ARAP3: variants seen among roughly 807,000 people sequenced by gnomAD.
The protein encoded by ARAP3 is arf-GAP with Rho-GAP domain, ANK repeat and PH domain-containing protein 3.
In ARAP3, 82 loss-of-function variants were observed where a neutral mutation model predicts 169.2. The ratio of observed to expected loss-of-function variants is 0.48; its 90% CI spans 0.41 to 0.58. The LOEUF is 0.58. ARAP3 is among the 20% of genes least tolerant of loss of function. ARAP3 has a pLI of 0.00. For synonymous variants in ARAP3, 791 were observed against 800.3 expected, an observed-to-expected ratio of 0.99 and a Z score of 0.20; for missense variants, 1,764 against 2,018.0, an observed-to-expected ratio of 0.87 and a Z score of 2.41.
chr5:141,679,738 C>G, intron 3 of ARAP3, 23 bp downstream of exon 3: 3 of 1,614,140 alleles, frequency 1.9e-6, no homozygotes, highest in Non-Finnish European at 2.5e-6. Flanking sequence ...TCCCTCTCCC[C>G]CAACCCGTGA....
rs768461512 is a variant in ARAP3, at chr5:141,656,311, A to G, written c.3790-35T>C. 4 of 1,612,010 alleles carry G rather than the reference A, an allele frequency of 2.5e-6. No individual in the cohort carries two copies. In the African/African-American group the frequency reaches 4.0e-5, roughly 16 times the overall value. On this transcript the variant is annotated intron_variant, in intron 27 of 32. Transcript: ENST00000239440. ...GAAACAGAGTCAGCGAGATGGAGAGATGAGAGATCATGGTTAATGAGGTCA... is the reference window on the plus strand; with the variant it reads ...GAAACAGAGTCAGCGAGATGGAGAGGTGAGAGATCATGGTTAATGAGGTCA...
rs1482808798 is a variant in ARAP3 at position 141,654,286 on chromosome 5, C to T, written c.4299G>A (p.Val1433=). The stretch of plus-strand genomic sequence containing the variant: ...GGCTGGTGAGGGGGTTCTCTGGCTT[C>T]ACTGTCCACTCCCGTGTGGTGGAGA... ...TSFSTTREWT[V]KPENPLTSQK... is the part of the protein sequence containing the mutation. Residue 1433 remains valine, a synonymous_variant, in exon 33 of 33, where the codon GTG becomes GTA. Transcript: ENST00000239440. The T allele has an allele frequency of 2.5e-6, 4 of 1,614,022 alleles. No individual in the cohort carries two copies. Among genetic ancestry groups the T allele is most frequent in the Admixed American group, 3.3e-5 (2 of 60,008 alleles).
At position 141,671,118 on chromosome 5, in the gene ARAP3, A is replaced by G; in HGVS notation, c.1990+147T>C. On this transcript the variant is annotated intron_variant, in intron 13 of 32. Transcript: ENST00000239440. The surrounding 1 kb of genome is among the most constrained non-coding windows in gnomAD (Gnocchi z 4.9). ...TCATCAGCTATCACATGACATCAGGAGATAGGCCCTGGAGGATCTGAGGGT... is the reference window on the plus strand; with the variant it reads ...TCATCAGCTATCACATGACATCAGGGGATAGGCCCTGGAGGATCTGAGGGT... The G allele has an allele frequency of 9.2e-7, 1 of 1,091,366 alleles. No homozygotes were observed. Among genetic ancestry groups the G allele is most frequent in the Admixed American group, 2.4e-5 (1 of 40,820 alleles). 67.6% of individuals were successfully genotyped at this position (1,091,366 alleles called of 1,614,324 possible). A position where few individuals can be genotyped will look rare whatever the true frequency, so the allele number is the denominator to read the frequency against.
chr5:141,670,695 A>C, intron 13 of ARAP3, 67 bp from the exon 14 acceptor site: 1 of 1,376,318 alleles, frequency 7.3e-7, no homozygotes, highest in Non-Finnish European at 1.0e-6. Context: ...CCCTCTGGGG[A>C]AGGGATGAAA....
In ARAP3 at chr5:141,671,540, C is replaced by T; in HGVS notation, c.1854+30G>A. ...AGAGAGTGTTTCCTGACCCCCCCAC[C>T]CCAGATCACCCCTGCTCTGTCCCTC... is the stretch of plus-strand genomic sequence containing the variant. On this transcript the variant is annotated intron_variant, in intron 12 of 32. Transcript: ENST00000239440. The surrounding 1 kb of genome is among the most constrained non-coding windows in gnomAD (Gnocchi z 4.9). 6.2e-7 allele frequency: 1 copy of T among 1,612,608 alleles called. No individual in the cohort carries two copies. The highest frequency in any genetic ancestry group is 8.5e-7 in the Non-Finnish European group (1 of 1,179,500).
intron 19 of ARAP3, among the ~76,000 whole-genome samples, chr5:141,662,965 A>G (rs2099910162): frequency 6.6e-6 from 1 of 152,224 alleles, no homozygotes; most frequent in African/African-American, 2.4e-5. Context: ...AAACAAGGAT[A>G]CATATTGATC....
chr5:141,659,941 C>T lies in ARAP3; in HGVS notation c.3120-15G>A. On this transcript the variant is annotated splice_polypyrimidine_tract_variant and intron_variant, in intron 21 of 32. Coordinates refer to ENST00000239440, the MANE Select transcript of ARAP3 (RefSeq NM_022481.6). ...ATTTCTGCACCCTGCAGAGGGGTGCCACGGTCTTCATCAGTGTAGCCACTC... is the reference window on the plus strand; with the variant it reads ...ATTTCTGCACCCTGCAGAGGGGTGCTACGGTCTTCATCAGTGTAGCCACTC... 6.5e-7 allele frequency: 1 copy of T among 1,544,584 alleles called. No homozygotes were observed. Among genetic ancestry groups the T allele is most frequent in the Non-Finnish European group, 8.8e-7 (1 of 1,139,734 alleles).
chr5:141,673,709 C>G lies in ARAP3; in HGVS notation c.798G>C (p.Glu266Asp), dbSNP rs1222308602. Residue 266 changes from glutamate (E) to aspartate (D), a missense_variant, in exon 5 of 33, where the codon GAG becomes GAC. Physicochemically the swap from Glu to Asp is conservative, Grantham distance 45. Coordinates refer to ENST00000239440, the MANE Select transcript of ARAP3 (RefSeq NM_022481.6). Reference protein sequence around the residue: ...STLLSPTLETEETSDDLISPY... With the variant: ...STLLSPTLETDETSDDLISPY... The stretch of plus-strand genomic sequence containing the variant: ...GTGAAATGAGGTCATCACTGGTCTC[C>G]TCTGTTTCCAGGGTGGGCGATAAGA... 1 of 1,614,214 alleles carries G rather than the reference C, an allele frequency of 6.2e-7. No individual in the cohort carries two copies. Among genetic ancestry groups the G allele is most frequent in the Non-Finnish European group, 8.5e-7 (1 of 1,180,046 alleles).
chr5:141,663,649 G>A (rs967448968), intron 19 of ARAP3, among the ~76,000 whole-genome samples: 5 of 152,180 alleles, frequency 3.3e-5, no homozygotes, highest in African/African-American at 1.2e-4. Flanking sequence ...CTTCGAACAC[G>A]AGAGAGGCTG....
chr5:141,679,361 T>C (rs899410500), intron 4 of ARAP3, among the ~76,000 whole-genome samples, 184 bp downstream of exon 4: 1 of 152,230 alleles, frequency 6.6e-6, no homozygotes, highest in Non-Finnish European at 1.5e-5. Flanking sequence ...CTACTTGTTT[T>C]ATTCCCTGTC....
At position 141,662,195 on chromosome 5, in the gene ARAP3, A is replaced by G; in HGVS notation, c.2861T>C (p.Leu954Pro). The G allele has an allele frequency of 1.2e-6, 2 of 1,614,238 alleles. No individual in the cohort carries two copies. Among genetic ancestry groups the G allele is most frequent in the Non-Finnish European group, 1.7e-6 (2 of 1,180,042 alleles). The change falls in exon 20 of 33, where the codon CTG becomes CCG. Residue 954 changes from leucine to proline, a missense_variant. By Grantham distance (98) the Leu-to-Pro change is moderately conservative (BLOSUM62 -3). Coordinates refer to ENST00000239440, the MANE Select transcript of ARAP3 (RefSeq NM_022481.6). ...GGARARSLRL[L>P]AEFRRDARSV... The stretch of plus-strand genomic sequence containing the variant: ...CCGGGCATCCCGACGGAACTCAGCC[A>G]GGAGTCTCAGGCTGCGGGCACGAGC...
rs2099912764 is a variant in ARAP3 at position 141,680,097 on chromosome 5, C to A, written c.390G>T (p.Glu130Asp). 7 of 1,613,316 alleles carry A rather than the reference C, an allele frequency of 4.3e-6. No individual in the cohort carries two copies. Among genetic ancestry groups the A allele is most frequent in the South Asian group, 1.1e-5 (1 of 91,010 alleles). ...LGGPGVSRSP[E>D]PSPRPPPLPT... is the part of the protein sequence containing the mutation. ...GGAGAGGAGGAGGCCTTGGGCTGGG[C>A]TCTGGGCTCCTGGACACTCCTGGTC... The change falls in exon 2 of 33, where the codon GAG (glutamate) becomes GAT (aspartate). Residue 130 changes from glutamate to aspartate, a missense_variant. Coordinates refer to ENST00000239440, the MANE Select transcript of ARAP3 (RefSeq NM_022481.6).
chr5:141,654,813 C>A (rs2099908995), intron 32 of ARAP3, among the ~76,000 whole-genome samples: 1 of 151,076 alleles, frequency 6.6e-6, no homozygotes, highest in African/African-American at 2.4e-5. Flanking sequence ...GATCTTGGCT[C>A]ACTGCAACCT....
At chr5:141,668,038 A>G (rs1250516835) in intron 16 of ARAP3, among the ~76,000 whole-genome samples, 1 of 152,008 alleles carries the variant, frequency 6.6e-6, no homozygotes, top group Non-Finnish European at 1.5e-5. Context: ...GCGAAACTCC[A>G]TCTCAAAAAG....
chr5:141,672,983 T>C lies in ARAP3; in HGVS notation c.1093+30A>G. 6.2e-7 allele frequency: 1 copy of C among 1,614,022 alleles called. No homozygotes were observed. The highest frequency in any genetic ancestry group is 8.5e-7 in the Non-Finnish European group (1 of 1,179,954). ...TTGCTCACACAGCCTCCCTCCCTCC[T>C]GCCCTGACTCAGGGGGCTGTGGCCC... is the stretch of plus-strand genomic sequence containing the variant. On this transcript the variant is annotated intron_variant, in intron 7 of 32. Coordinates refer to ENST00000239440, the MANE Select transcript of ARAP3 (RefSeq NM_022481.6). The surrounding 1 kb of genome is among the most constrained non-coding windows in gnomAD (Gnocchi z 4.9).
chr5:141,674,578 G>A (rs1037487637), intron 4 of ARAP3, among the ~76,000 whole-genome samples: 2 of 152,146 alleles, frequency 1.3e-5, no homozygotes, highest in African/African-American at 2.4e-5. Flanking sequence ...TTTCAAACAG[G>A]GGAATAGGGA....
chr5:141,679,241 A>G (rs2099912639), intron 4 of ARAP3, among the ~76,000 whole-genome samples: 2 of 152,210 alleles, frequency 1.3e-5, no homozygotes, highest in South Asian at 4.1e-4. Flanking sequence ...GTGAGCCGAG[A>G]TTGTGCCACT....
In ARAP3 at chr5:141,671,603, G is replaced by A; in HGVS notation, c.1821C>T (p.His607=). Residue 607 remains histidine (H), a synonymous_variant, in exon 12 of 33, where the codon CAC becomes CAT. Transcript: ENST00000239440. This position sits in a 1 kb window ranked among gnomAD's most constrained non-coding sequence, Gnocchi z 4.9. ...GCTGGCTATGATCTGGGTACTGAGG[G>A]TGGGGCTTCCGGAAGAGACCCAGAC... The part of the protein sequence containing the change: ...KYRLGLFRKP[H]PQYPDHSQLL... 6.2e-7 allele frequency: 1 copy of A among 1,614,106 alleles called. No homozygotes were observed. The highest frequency in any genetic ancestry group is 8.5e-7 in the Non-Finnish European group (1 of 1,179,990).
At chr5:141,661,967 CT>C (rs2099910032) in intron 20 of ARAP3, 75 bp downstream of exon 20, 2 of 1,587,714 alleles carry the variant, frequency 1.3e-6, no homozygotes, top group African/African-American at 2.7e-5. Context: ...GGGCGGAGGG[CT>C]GCCAAACCAT....
Sources: allele counts gnomAD v4.1 joint callset (sites outside exome capture counted in the v4.1 genomes callset), GRCh38; gene constraint gnomAD v4.1.1; non-coding constraint Gnocchi (gnomAD v3.1); transcripts MANE v1.5; gene names NCBI Gene and HGNC (gene_info 2026-07-23, HGNC 2026-07-21).